Variants in CD276 observed in about 807,000 individuals in gnomAD.
The protein encoded by CD276 is CD276 molecule.
A neutral mutation model predicts 50.0 loss-of-function variants in CD276; 34 were observed. The ratio of observed to expected loss-of-function variants is 0.68; its 90% CI spans 0.52 to 0.91. CD276 has a LOEUF of 0.91. CD276 is among the 40% of genes least tolerant of loss of function. CD276 has a pLI of 0.00. For missense variants in CD276, 634 were observed against 717.5 expected (o/e 0.88, Z 1.33); for synonymous variants, 275 against 313.0 (o/e 0.88, Z 1.28).
At chr15:73,708,779 G>A (rs1463844301) in intron 7 of CD276, 4 of 409,178 alleles carry the variant, frequency 9.8e-6, no homozygotes, top group Non-Finnish European at 1.8e-5. Flanking sequence ...GCCTGTGAAA[G>A]TGTAAGTCAG....
intron 1 of CD276, chr15:73,690,851 G>C (rs1899959781): frequency 2.2e-6 from 1 of 455,172 alleles, no homozygotes; most frequent in African/African-American, 2.0e-5. Context: ...AAGAGGTGAG[G>C]CTGGGCAGGT....
chr15:73,695,394 C>CG (rs1900137850), intron 1 of CD276, among the ~76,000 whole-genome samples: 1 of 152,150 alleles, frequency 6.6e-6, no homozygotes, highest in African/African-American at 2.4e-5. Context: ...ACCTGGGGAG[C>CG]TGCTCATGAC....
Position 73,713,686 on chromosome 15 carries a change from C to T in CD276, c.*730C>T, listed in dbSNP as rs1015776342. On this transcript the variant is annotated 3_prime_UTR_variant, in exon 10 of 10. Coordinates refer to ENST00000318443, the MANE Select transcript of CD276 (RefSeq NM_001024736.2). ...GTGTGGTTCCCCCCTGGCCCAGCCT[C>T]CTCTGCAGTGCCCCTCTCCCCTGCC... 1 of 427,180 alleles carries T rather than the reference C, an allele frequency of 2.3e-6. No homozygotes were observed. Among genetic ancestry groups the T allele is most frequent in the African/African-American group, 2.1e-5 (1 of 47,344 alleles). 26.5% of individuals were successfully genotyped at this position (427,180 alleles called of 1,614,324 possible).
chr15:73,712,478 A>C (rs970406816), intron 9 of CD276, among the ~76,000 whole-genome samples: 2 of 152,156 alleles, frequency 1.3e-5, no homozygotes, highest in Admixed American at 1.3e-4. Context: ...CCACATGGAG[A>C]CAGGAAGCCC....
intron 7 of CD276, chr15:73,708,827 C>A (rs1900762195): frequency 6.2e-6 from 2 of 322,618 alleles, no homozygotes; most frequent in Non-Finnish European, 5.9e-6. Context: ...AGCATGGAAG[C>A]TGTGCGGCAC....
chr15:73,709,325 G>A (rs1035441144), intron 7 of CD276, among the ~76,000 whole-genome samples: 1 of 151,972 alleles, frequency 6.6e-6, no homozygotes, highest in South Asian at 2.1e-4. Context: ...GCTCCAGGCT[G>A]GGTGGATGGT....
chr15:73,705,434 GA>G (rs1900611989), intron 6 of CD276, among the ~76,000 whole-genome samples: 2 of 152,018 alleles, frequency 1.3e-5, no homozygotes, highest in African/African-American at 4.8e-5. Context: ...GACAAGCTCG[GA>G]GCCAGGGCCC....
At chr15:73,707,575 C>T (rs1900696968) in intron 6 of CD276, among the ~76,000 whole-genome samples, 1 of 152,252 alleles carries the variant, frequency 6.6e-6, no homozygotes, top group South Asian at 2.1e-4. Context: ...ACTCAGCGAA[C>T]ATTTTCTGTA....
chr15:73,699,733 A>C lies in CD276; in HGVS notation c.79+15A>C. 1 of 1,582,562 alleles carries C rather than the reference A, an allele frequency of 6.3e-7. No homozygotes were observed. The highest frequency in any genetic ancestry group is 1.2e-5 in the South Asian group (1 of 86,286). On this transcript the variant is annotated intron_variant, in intron 2 of 9. Coordinates refer to ENST00000318443, the MANE Select transcript of CD276 (RefSeq NM_001024736.2). Reference sequence around the variant, plus strand: ...CTGCCTCACAGGTGAGGGTAGCAGCATGGGGACGGGAGGGGAGGGACAGTG... The same window carrying C: ...CTGCCTCACAGGTGAGGGTAGCAGCCTGGGGACGGGAGGGGAGGGACAGTG...
Position 73,713,239 on chromosome 15 carries a change from C to T in CD276, c.*283C>T, listed in dbSNP as rs908546702. ...CTGCTGCCTTATTTCACAGTACATA[C>T]ATTTCTTAGGGACACAGTACACTGA... On this transcript the variant is annotated 3_prime_UTR_variant, in exon 10 of 10. Coordinates refer to ENST00000318443, the MANE Select transcript of CD276 (RefSeq NM_001024736.2). 2.5e-5 allele frequency: 11 copies of T among 447,126 alleles called. No homozygotes were observed. The highest frequency in any genetic ancestry group is 4.0e-5 in the Admixed American group (1 of 24,716). The allele number at this position is 447,126 out of a possible 1,614,324, so 27.7% of individuals were successfully genotyped here.
upstream of CD276, chr15:73,684,360 T>G (rs1028931951): frequency 6.6e-6 from 1 of 151,112 alleles, no homozygotes; most frequent in Non-Finnish European, 1.5e-5. Flanking sequence ...CCCCTCGGAC[T>G]CCCCGGGCCG....
At chr15:73,693,017 G>A (rs1430702999) in intron 1 of CD276, among the ~76,000 whole-genome samples, 1 of 152,206 alleles carries the variant, frequency 6.6e-6, no homozygotes, top group African/African-American at 2.4e-5. Flanking sequence ...CAGAAGCAGT[G>A]AAGCTTCTCA....
At position 73,704,070 on chromosome 15, in the gene CD276, C is replaced by T; in HGVS notation, c.1072+73C>T. ...CCTCTGCAGCCCACCCTCTGCTGCA[C>T]CACTGCTCCCAGAACCCCAGTGCTG... On this transcript the variant is annotated intron_variant, in intron 5 of 9. Coordinates refer to ENST00000318443, the MANE Select transcript of CD276 (RefSeq NM_001024736.2). This position sits in a 1 kb window ranked among gnomAD's most constrained non-coding sequence, Gnocchi z 4.1. 1.3e-6 allele frequency: 2 copies of T among 1,561,604 alleles called. No individual in the cohort carries two copies. The highest frequency in any genetic ancestry group is 2.3e-5 in the East Asian group (1 of 42,920).
At chr15:73,708,756 T>C in intron 7 of CD276, 1 of 454,778 alleles carries the variant, frequency 2.2e-6, no homozygotes, top group Non-Finnish European at 4.1e-6. Context: ...GATGAGTGTG[T>C]GCCAACAAGT....
intron 1 of CD276, among the ~76,000 whole-genome samples, chr15:73,697,438 T>C (rs1411526712): frequency 6.6e-6 from 1 of 151,968 alleles, no homozygotes; most frequent in Non-Finnish European, 1.5e-5. Context: ...TGGAATGGAA[T>C]TGAGGCTAGC....
rs1209011580 is a variant in CD276, at chr15:73,704,040, C to T, written c.1072+43C>T. 1 of 1,584,378 alleles carries T rather than the reference C, an allele frequency of 6.3e-7. No individual in the cohort carries two copies. Among genetic ancestry groups the T allele is most frequent in the Non-Finnish European group, 8.6e-7 (1 of 1,165,838 alleles). On this transcript the variant is annotated intron_variant, in intron 5 of 9. Coordinates refer to ENST00000318443, the MANE Select transcript of CD276 (RefSeq NM_001024736.2). This position sits in a 1 kb window ranked among gnomAD's most constrained non-coding sequence, Gnocchi z 4.1. ...GACGCCTTCCCCTTGGTTCACCCTC[C>T]ATTCCCTCTGCAGCCCACCCTCTGC...
rs1307134150 is a variant in CD276, at chr15:73,713,964, A to C, written c.*1008A>C. 1 of 343,326 alleles carries C rather than the reference A, an allele frequency of 2.9e-6. No homozygotes were observed. Among genetic ancestry groups the C allele is most frequent in the East Asian group, 1.4e-4 (1 of 7,178 alleles). 21.3% of individuals were successfully genotyped at this position (343,326 alleles called of 1,614,324 possible). A position where few individuals can be genotyped will look rare whatever the true frequency, so the allele number is the denominator to read the frequency against. The stretch of plus-strand genomic sequence containing the variant: ...AGCTGGGAGACAGACAACTAACTAC[A>C]CTGCACCCTGCGGTTTGCAGGGGGC... On this transcript the variant is annotated 3_prime_UTR_variant, in exon 10 of 10. Coordinates refer to ENST00000318443, the MANE Select transcript of CD276 (RefSeq NM_001024736.2).
rs962174090 is a variant in CD276 at position 73,713,296 on chromosome 15, G to A, written c.*340G>A. The A allele has an allele frequency of 6.5e-5, 22 of 337,542 alleles. No individual in the cohort carries two copies. Among genetic ancestry groups the A allele is most frequent in the African/African-American group, 2.4e-4 (11 of 45,698 alleles). The allele number at this position is 337,542 out of a possible 1,614,324, so 20.9% of individuals were successfully genotyped here. A position where few individuals can be genotyped will look rare whatever the true frequency, so the allele number is the denominator to read the frequency against. ...CACCACCCTCTTCTTCCAGTGCTGC[G>A]TGGACCATCTGGCTGCCTTTTTTCT... On this transcript the variant is annotated 3_prime_UTR_variant, in exon 10 of 10. Transcript: ENST00000318443.
In CD276 at chr15:73,708,324, T is replaced by A; in HGVS notation, c.1370-15T>A. 6.2e-7 allele frequency: 1 copy of A among 1,613,206 alleles called. No homozygotes were observed. ...CCAGGCATGACAGTCTCACTGTTGC[T>A]ACTTTTCCTCTCAGGGCAGCCTATG... On this transcript the variant is annotated splice_polypyrimidine_tract_variant and intron_variant, in intron 6 of 9. Coordinates refer to ENST00000318443, the MANE Select transcript of CD276 (RefSeq NM_001024736.2).
Sources: allele counts gnomAD v4.1 joint callset (sites outside exome capture counted in the v4.1 genomes callset), GRCh38; gene constraint gnomAD v4.1.1; non-coding constraint Gnocchi (gnomAD v3.1); transcripts MANE v1.5; gene names NCBI Gene and HGNC (gene_info 2026-07-23, HGNC 2026-07-21).